The following CCDC40 variants were observed in gnomAD, a reference collection of about 807,000 sequenced individuals.
The protein encoded by CCDC40 is coiled-coil domain-containing protein 40.
CCDC40 carries 104 observed loss-of-function variants against 124.5 expected under a neutral mutation model. That is an observed-to-expected ratio of 0.84 (90% CI 0.71 to 0.98). The LOEUF (loss-of-function observed/expected upper bound fraction) is 0.98, where lower values mean the gene tolerates loss of function less well. Among genes scored for constraint, CCDC40 ranks in the 50% least tolerant of loss-of-function variants. The pLI, the probability that CCDC40 is intolerant of heterozygous loss-of-function variation, is 0.00. For missense variants in CCDC40, 1,463 were observed against 1,503.9 expected (o/e 0.97, Z 0.45); for synonymous variants, 580 against 602.9 (o/e 0.96, Z 0.56).
At chr17:80,089,984 TG>T (rs1384600016) in intron 17 of CCDC40, 100 bp downstream of exon 17, 9 of 1,553,102 alleles carry the variant, frequency 5.8e-6, no homozygotes, top group Non-Finnish European at 7.8e-6. Context: ...GGGGCTCCTG[TG>T]GGAACCACAC....
chr17:80,097,522 T>C, intron 19 of CCDC40, 119 bp downstream of exon 19: 1 of 1,026,354 alleles, frequency 9.7e-7, no homozygotes, highest in South Asian at 1.5e-5. Context: ...CGGCCTCTCC[T>C]GATCCCAGGC....
intron 11 of CCDC40, 36 bp downstream of exon 11, chr17:80,081,825 G>A (rs577764470): frequency 1.5e-5 from 24 of 1,613,766 alleles, no homozygotes; most frequent in Middle Eastern, 1.6e-4. Context: ...CACACCTGGC[G>A]CACGGTGGTG....
At chr17:80,043,544 CA>C (rs2037336816) in intron 3 of CCDC40, among the ~76,000 whole-genome samples, 1 of 150,980 alleles carries the variant, frequency 6.6e-6, no homozygotes, top group Admixed American at 6.6e-5. Flanking sequence ...CCTTGGCTCA[CA>C]ACAGAACCTC....
chr17:80,048,828 T>C (rs1264086037), intron 5 of CCDC40, 67 bp downstream of exon 5: 1 of 1,365,224 alleles, frequency 7.3e-7, no homozygotes, highest in Non-Finnish European at 1.0e-6. Flanking sequence ...CCCCTTTCTC[T>C]GCCTGCACTG....
At chr17:80,099,466 G>T (rs2038874008) in intron 19 of CCDC40, 61 bp from the exon 20 acceptor site, 12 of 1,578,048 alleles carry the variant, frequency 7.6e-6, no homozygotes, top group Non-Finnish European at 1.0e-5. Context: ...TTTGTGGGGG[G>T]CCAGCAGGTG....
intron 7 of CCDC40, among the ~76,000 whole-genome samples, chr17:80,053,887 C>T (rs2037669702): frequency 6.6e-6 from 1 of 152,192 alleles, no homozygotes; most frequent in South Asian, 2.1e-4. Context: ...GGATGGTTAG[C>T]ATTTGACCTA....
At position 80,090,253 on chromosome 17, in the gene CCDC40, C is replaced by T. The variant is rs546156917; in HGVS notation, c.2832+369C>T. 9.2e-4 allele frequency: 875 copies of T among 949,856 alleles called. 18 individuals carry two copies. In the African/African-American group the frequency reaches 0.014, roughly 15 times the overall value. The allele number at this position is 949,856 out of a possible 1,614,324, so 58.8% of individuals were successfully genotyped here. A position where few individuals can be genotyped will look rare whatever the true frequency, so the allele number is the denominator to read the frequency against. On this transcript the variant is annotated intron_variant, in intron 17 of 19. Transcript: ENST00000397545. ...CGCGCAGGCACGTGCACGAACAACA[C>T]GGGACGCGCGCGGGCACGTGCACGA...
intron 3 of CCDC40, among the ~76,000 whole-genome samples, chr17:80,043,657 G>A (rs962429805): frequency 1.4e-5 from 2 of 141,426 alleles, no homozygotes; most frequent in African/African-American, 2.7e-5. Flanking sequence ...AGCTGGGACT[G>A]CAAGCACTCA....
intron 3 of CCDC40, among the ~76,000 whole-genome samples, chr17:80,042,228 C>T (rs1441882852): frequency 6.6e-6 from 1 of 152,170 alleles, no homozygotes; most frequent in Admixed American, 6.5e-5. Context: ...AAGCAATTCT[C>T]CTGCCTCAGC....
chr17:80,046,380 A>T (rs2037419578), intron 3 of CCDC40, among the ~76,000 whole-genome samples: 1 of 151,950 alleles, frequency 6.6e-6, no homozygotes. Context: ...AAAATATTAA[A>T]AAATTAGACC....
intron 12 of CCDC40, among the ~76,000 whole-genome samples, chr17:80,083,889 C>G (rs1025293040): frequency 2.6e-5 from 4 of 152,224 alleles, no homozygotes; most frequent in Non-Finnish European, 4.4e-5. Context: ...TACAGCACAG[C>G]CATTACAGCT....
intron 10 of CCDC40, 135 bp downstream of exon 10, chr17:80,065,741 T>C (rs2038029336): frequency 8.2e-7 from 1 of 1,216,382 alleles, no homozygotes; most frequent in Non-Finnish European, 1.2e-6. Context: ...GGTCCGGGCT[T>C]CCGTCCGGAA....
In CCDC40 at chr17:80,087,853, C is replaced by T. The variant is rs867863378; in HGVS notation, c.2619+77C>T. The T allele has an allele frequency of 2.8e-6, 4 of 1,411,592 alleles. No homozygotes were observed. Among genetic ancestry groups the T allele is most frequent in the Middle Eastern group, 2.2e-4 (1 of 4,464 alleles). 87.4% of individuals were successfully genotyped at this position (1,411,592 alleles called of 1,614,324 possible). A position where few individuals can be genotyped will look rare whatever the true frequency, so the allele number is the denominator to read the frequency against. ...TACGGTCCTTGCGGTGGGCGTTCTG[C>T]ACCAGGATGTAATTTCCACACCCGT... On this transcript the variant is annotated intron_variant, in intron 15 of 19. Transcript: ENST00000397545. This position sits in a 1 kb window ranked among gnomAD's most constrained non-coding sequence, Gnocchi z 4.5.
At chr17:80,070,841 A>G (rs1392119517) in intron 10 of CCDC40, among the ~76,000 whole-genome samples, 3 of 152,216 alleles carry the variant, frequency 2.0e-5, no homozygotes, top group African/African-American at 7.2e-5. Context: ...GTGGTAGCTC[A>G]TGGTGTCCTG....
intron 12 of CCDC40, among the ~76,000 whole-genome samples, chr17:80,082,412 G>A (rs1004169488): frequency 2.7e-5 from 4 of 150,624 alleles, no homozygotes; most frequent in Non-Finnish European, 5.9e-5. Flanking sequence ...GGGGTGGAGG[G>A]GACTTGTGTC....
rs570226269 is a variant in CCDC40 at position 80,064,925 on chromosome 17, C to T, written c.1441-560C>T. ...TCCCTACAGGAAGCGGTGCTGGGCC[C>T]GTCCTGTGGGACCTCAGTCCGAATC... On this transcript the variant is annotated intron_variant, in intron 9 of 19. Coordinates refer to ENST00000397545, the MANE Select transcript of CCDC40 (RefSeq NM_017950.4). 1.4e-4 allele frequency among the ~76,000 whole-genome samples: 22 copies of T among 152,080 alleles called. No individual in the cohort carries two copies. The South Asian group carries it at 4.4e-3, about 30-fold the overall frequency.
chr17:80,063,230 A>G (rs28642798), intron 9 of CCDC40, among the ~76,000 whole-genome samples: 11,735 of 152,072 alleles, frequency 0.077, 1,466 homozygotes, highest in African/African-American at 0.26. Flanking sequence ...GAAACAATAT[A>G]TAGAATTTGA....
chr17:80,039,376 T>TA (rs557535373), intron 2 of CCDC40, among the ~76,000 whole-genome samples: 4 of 148,024 alleles, frequency 2.7e-5, no homozygotes, highest in African/African-American at 5.0e-5. Context: ...CAAAAAAAAA[T>TA]AAAAAAAGAA....
At chr17:80,078,780 A>G (rs1598529011) in intron 10 of CCDC40, among the ~76,000 whole-genome samples, 4 of 152,214 alleles carry the variant, frequency 2.6e-5, no homozygotes, top group Admixed American at 2.0e-4. Flanking sequence ...TTTAAATTTT[A>G]AAACTTGCTT....
Sources: allele counts gnomAD v4.1 joint callset (sites outside exome capture counted in the v4.1 genomes callset), GRCh38; gene constraint gnomAD v4.1.1; non-coding constraint Gnocchi (gnomAD v3.1); transcripts MANE v1.5; gene names NCBI Gene and HGNC (gene_info 2026-07-23, HGNC 2026-07-21).